USB1: variants seen among roughly 807,000 people sequenced by gnomAD.
USB1 encodes the protein U6 snRNA phosphodiesterase 1.
USB1 carries 21 observed loss-of-function variants against 29.9 expected under a neutral mutation model. That is an observed-to-expected ratio of 0.70 (90% confidence interval 0.50 to 1.01). The LOEUF (loss-of-function observed/expected upper bound fraction) is 1.01, where lower values mean the gene tolerates loss of function less well. Ranked by LOEUF, USB1 falls within the 50% of genes least tolerant of loss-of-function variation. USB1 has a pLI of 0.00. For synonymous variants in USB1, 143 were observed against 134.9 expected (o/e 1.06, Z -0.42); for missense variants, 330 against 347.1 (o/e 0.95, Z 0.39).
At chr16:58,008,701 C>T (rs942844135) in intron 2 of USB1, among the ~76,000 whole-genome samples, 9 of 151,826 alleles carry the variant, frequency 5.9e-5, no homozygotes, top group Admixed American at 5.3e-4. Context: ...GATCCACCTG[C>T]CTCTGCCTCC....
At chr16:58,017,072 G>A in intron 4 of USB1, 3 of 484,258 alleles carry the variant, frequency 6.2e-6, no homozygotes, top group South Asian at 6.2e-5. Context: ...GCAGTGGTGG[G>A]TGAAGGCGTT....
rs1192603229 is a variant in USB1 at position 58,019,014 on chromosome 16, G to A, written c.652G>A (p.Ala218Thr). ...CAGCCTGGCCTGGTGTGTGGGTGAT[G>A]CACGTCTCCAGCTGGAGGGGCAGTG... is the stretch of plus-strand genomic sequence containing the variant. ...HLSLAWCVGD[A>T]RLQLEGQCLQ... is the part of the protein sequence containing the mutation. The change falls in exon 6 of 7, where the codon GCA (alanine) becomes ACA (threonine). Residue 218 changes from alanine (A) to threonine (T), a missense_variant. By Grantham distance (58) the Ala-to-Thr change is moderately conservative. Transcript: ENST00000219281. The A allele has an allele frequency of 4.3e-6, 7 of 1,614,200 alleles. No individual in the cohort carries two copies. In the East Asian group the frequency reaches 1.3e-4, roughly 31 times the overall value.
At chr16:58,001,323 A>C, upstream of USB1, 1 of 823,858 alleles carries the variant, frequency 1.2e-6, no homozygotes, top group Non-Finnish European at 2.0e-6. Flanking sequence ...GGTGGGCTGA[A>C]TCTTCACCAC....
In USB1 at chr16:58,017,092, G is replaced by T; in HGVS notation, c.504-242G>T. On this transcript the variant is annotated intron_variant, in intron 4 of 6. Coordinates refer to ENST00000219281, the MANE Select transcript of USB1 (RefSeq NM_024598.4). ...GGTGGGTGAAGGCGTTCCTGGAAGG[G>T]TTATTAGATCCAGAGAAGGGAGGAG... 3 of 531,528 alleles carry T rather than the reference G, an allele frequency of 5.6e-6. No homozygotes were observed. The South Asian group carries it at 6.0e-5, about 11-fold the overall frequency. 32.9% of individuals were successfully genotyped at this position (531,528 alleles called of 1,614,324 possible). A position where few individuals can be genotyped will look rare whatever the true frequency, so the allele number is the denominator to read the frequency against.
chr16:58,016,255 C>G (rs562976855), intron 4 of USB1: 36 of 152,320 alleles, frequency 2.4e-4, no homozygotes, highest in African/African-American at 8.7e-4. Context: ...AAGGGGAAGA[C>G]GAACATTGAT....
At chr16:58,011,290 G>A in intron 3 of USB1, 1 of 1,433,530 alleles carries the variant, frequency 7.0e-7, no homozygotes, top group Non-Finnish European at 9.1e-7. Flanking sequence ...CTCACTGGGG[G>A]CCTATGGGGG....
At chr16:58,019,971 A>G (rs1403538159) in intron 6 of USB1, among the ~76,000 whole-genome samples, 170 bp from the exon 7 acceptor site, 2 of 152,078 alleles carry the variant, frequency 1.3e-5, no homozygotes, top group African/African-American at 4.8e-5. Flanking sequence ...GATAGGACCA[A>G]CCTCAGAGAT....
At chr16:58,015,075 T>A (rs911587564) in intron 4 of USB1, 2 of 147,626 alleles carry the variant, frequency 1.4e-5, no homozygotes, top group African/African-American at 5.2e-5. Flanking sequence ...TGAAACTCTG[T>A]CTCAAAAATA....
intron 2 of USB1, among the ~76,000 whole-genome samples, chr16:58,005,216 G>T (rs1229884902): frequency 6.6e-6 from 1 of 152,216 alleles, no homozygotes; most frequent in Non-Finnish European, 1.5e-5. Context: ...AGATGGTTAG[G>T]CCTCCAGATA....
At position 58,020,239 on chromosome 16, in the gene USB1, G is replaced by A; in HGVS notation, c.792G>A (p.Leu264=). 1 of 1,614,154 alleles carries A rather than the reference G, an allele frequency of 6.2e-7. No homozygotes were observed. Among genetic ancestry groups the A allele is most frequent in the Non-Finnish European group, 8.5e-7 (1 of 1,180,000 alleles). Residue 264 remains leucine (L), a synonymous_variant, in exon 7 of 7, where the codon TTG becomes TTA. Coordinates refer to ENST00000219281, the MANE Select transcript of USB1 (RefSeq NM_024598.4). ...KSGNKFFSMP[L]K The stretch of plus-strand genomic sequence containing the variant: ...GGAACAAGTTCTTCTCGATGCCTTT[G>A]AAGTGAGCACCAGAGGCCTTCCTCC...
chr16:58,016,977 A>AC lies in USB1; in HGVS notation c.504-357_504-356insC, dbSNP rs1318888382. 5 of 334,990 alleles carry AC rather than the reference A, an allele frequency of 1.5e-5. No individual in the cohort carries two copies. The Admixed American group carries it at 2.1e-4, about 14-fold the overall frequency. The allele number at this position is 334,990 out of a possible 1,614,324, so 20.8% of individuals were successfully genotyped here. On this transcript the variant is annotated intron_variant, in intron 4 of 6. Transcript: ENST00000219281. ...ATGCCTGGGAGCAAAGTCCTCGAGAAGAGGCCTCCTTGAGGACAGGAGTCA... is the reference window on the plus strand; with the variant it reads ...ATGCCTGGGAGCAAAGTCCTCGAGAACGAGGCCTCCTTGAGGACAGGAGTCA...
intron 1 of USB1, 37 bp from the exon 2 acceptor site, chr16:58,002,442 G>A: frequency 2.5e-6 from 4 of 1,611,864 alleles, no homozygotes; most frequent in Non-Finnish European, 3.4e-6. Context: ...AATGCTAACA[G>A]GATAAATGTA....
intron 2 of USB1, among the ~76,000 whole-genome samples, chr16:58,009,485 C>T (rs947772879): frequency 1.3e-5 from 2 of 151,900 alleles, no homozygotes; most frequent in Non-Finnish European, 2.9e-5. Context: ...TTTGGGAGGC[C>T]GAGGCGGGCG....
intron 2 of USB1, among the ~76,000 whole-genome samples, chr16:58,005,994 T>A (rs1963343516): frequency 6.6e-6 from 1 of 152,220 alleles, no homozygotes; most frequent in Non-Finnish European, 1.5e-5. Context: ...ATATCATTTA[T>A]TACTTCCAGG....
Position 58,011,385 on chromosome 16 carries a change from T to G in USB1, c.449+1273T>G, listed in dbSNP as rs1262135986. 3 of 1,209,494 alleles carry G rather than the reference T, an allele frequency of 2.5e-6. No individual in the cohort carries two copies. In the African/African-American group the frequency reaches 4.6e-5, roughly 19 times the overall value. The allele number at this position is 1,209,494 out of a possible 1,614,324, so 74.9% of individuals were successfully genotyped here. A position where few individuals can be genotyped will look rare whatever the true frequency, so the allele number is the denominator to read the frequency against. ...CCACTTCTGGTTTTGTCTGCCAGCC[T>G]GGGGCTTTTTTTTTCCCCTTACCTA... On this transcript the variant is annotated intron_variant, in intron 3 of 6. Coordinates refer to ENST00000219281, the MANE Select transcript of USB1 (RefSeq NM_024598.4).
chr16:58,014,216 A>G (rs2142308414), intron 3 of USB1, 57 bp from the exon 4 acceptor site: 2 of 1,440,678 alleles, frequency 1.4e-6, no homozygotes, highest in East Asian at 2.3e-5. Flanking sequence ...AACATAAGCT[A>G]TTTTTTCTGC....
intron 1 of USB1, among the ~76,000 whole-genome samples, 176 bp from the exon 2 acceptor site, chr16:58,002,303 C>A (rs1454425884): frequency 6.6e-6 from 1 of 152,044 alleles, no homozygotes; most frequent in Non-Finnish European, 1.5e-5. Flanking sequence ...AGTTGGAGAC[C>A]CCAATGAGAC....
At position 58,020,513 on chromosome 16, in the gene USB1, CTCTCTCTCTTCCTCT is replaced by C. The variant is rs1963713713; in HGVS notation, c.*281_*295del. On this transcript the variant is annotated 3_prime_UTR_variant, in exon 7 of 7. Coordinates refer to ENST00000219281, the MANE Select transcript of USB1 (RefSeq NM_024598.4). The stretch of plus-strand genomic sequence containing the variant: ...TCTTCCTCTCTTCTCTCTTCCTCTC[CTCTCTCTCTTCCTCT>C]TCTCTCTCTTCCCCTCCTGTCTCTC... The C allele has an allele frequency of 9.8e-6, 5 of 511,896 alleles. No individual in the cohort carries two copies. Among genetic ancestry groups the C allele is most frequent in the South Asian group, 4.2e-5 (2 of 47,988 alleles). 31.7% of individuals were successfully genotyped at this position (511,896 alleles called of 1,614,324 possible). A position where few individuals can be genotyped will look rare whatever the true frequency, so the allele number is the denominator to read the frequency against.
At chr16:58,014,153 T>A in intron 3 of USB1, 120 bp from the exon 4 acceptor site, 1 of 799,016 alleles carries the variant, frequency 1.3e-6, no homozygotes, top group Non-Finnish European at 2.1e-6. Context: ...AATGGGGTGA[T>A]AATATGAAGT....
Sources: allele counts gnomAD v4.1 joint callset (sites outside exome capture counted in the v4.1 genomes callset), GRCh38; gene constraint gnomAD v4.1.1; transcripts MANE v1.5; gene names NCBI Gene and HGNC (gene_info 2026-07-23, HGNC 2026-07-21).